FGFR1: variants seen among roughly 807,000 people sequenced by gnomAD.
FGFR1 encodes the protein fibroblast growth factor receptor 1, also known as FGFR1/PLAG1 fusion.
In FGFR1, 18 loss-of-function variants were observed where a neutral mutation model predicts 93.7. The ratio of observed to expected loss-of-function variants is 0.19; its 90% CI spans 0.13 to 0.28. The LOEUF is 0.28. FGFR1 is among the 10% of genes least tolerant of loss of function. FGFR1 has a pLI of 1.00. For synonymous variants in FGFR1, 448 were observed against 429.3 expected, an observed-to-expected ratio of 1.04 and a Z score of -0.54; for missense variants, 731 against 1,080.4, an observed-to-expected ratio of 0.68 and a Z score of 4.53.
At chr8:38,461,138 A>G (rs932537335) in intron 1 of FGFR1, 2 of 1,536,062 alleles carry the variant, frequency 1.3e-6, no homozygotes. Flanking sequence ...AATGGGCTGC[A>G]TGGGTGAAAG....
chr8:38,416,571 A>C (rs1586150203), intron 12 of FGFR1, among the ~76,000 whole-genome samples: 1 of 141,154 alleles, frequency 7.1e-6, no homozygotes, highest in Admixed American at 7.8e-5. Flanking sequence ...TTCTCCTGCC[A>C]CAGCCTCCCG....
intron 3 of FGFR1, 62 bp from the exon 4 acceptor site, chr8:38,428,497 A>T: frequency 7.3e-7 from 1 of 1,369,082 alleles, no homozygotes; most frequent in Non-Finnish European, 1.0e-6. Context: ...CACCAAGGCT[A>T]GTGCAGTTCC....
At position 38,413,528 on chromosome 8, in the gene FGFR1, C is replaced by T; in HGVS notation, c.*100G>A. The stretch of plus-strand genomic sequence containing the variant: ...CTGGTAGGCAGCCGGCTCCTGCCAG[C>T]AGGAAAGGGGACAGGGACGGACAGG... On this transcript the variant is annotated 3_prime_UTR_variant, in exon 18 of 18. Transcript: ENST00000447712. This position sits in a 1 kb window ranked among gnomAD's most constrained non-coding sequence, Gnocchi z 4.2. The T allele has an allele frequency of 2.2e-6, 3 of 1,371,480 alleles. No individual in the cohort carries two copies. The highest frequency in any genetic ancestry group is 2.0e-6 in the Non-Finnish European group (2 of 1,012,928). 85.0% of individuals were successfully genotyped at this position (1,371,480 alleles called of 1,614,324 possible).
chr8:38,420,636 G>A (rs1200398584), intron 8 of FGFR1, among the ~76,000 whole-genome samples: 1 of 152,006 alleles, frequency 6.6e-6, no homozygotes, highest in Non-Finnish European at 1.5e-5. Context: ...ATCCCAGCAC[G>A]CACAGCACTG....
rs188237766 is a variant in FGFR1 at position 38,416,536 on chromosome 8, A to G, written c.1664-476T>C. On this transcript the variant is annotated intron_variant, in intron 12 of 17. Transcript: ENST00000447712. ...AATGGCGCGATCTCGGCTAACCGCA[A>G]CCTCCGCCTCCCGTGTTCAAACGAT... Among the ~76,000 whole-genome samples, 188 of 145,084 alleles carry G rather than the reference A, an allele frequency of 1.3e-3. 1 individual carries two copies. The highest frequency in any genetic ancestry group is 4.5e-3 in the African/African-American group (173 of 38,808).
chr8:38,414,887 G>A lies in FGFR1; in HGVS notation c.1869C>T (p.Asp623=), dbSNP rs780009859. The change falls in exon 14 of 18, where the codon GAC becomes GAT. Residue 623 remains aspartate, a synonymous_variant. Coordinates refer to ENST00000447712, the MANE Select transcript of FGFR1 (RefSeq NM_023110.3). ...YLASKKCIHR[D]LAARNVLVTE... is the part of the protein sequence containing the mutation. ...TCACCAGGACATTCCTGGCTGCCAG[G>A]TCTCGGTGTATGCACTGAGGAAGGA... The A allele has an allele frequency of 2.9e-5, 47 of 1,613,494 alleles. No individual in the cohort carries two copies. The highest frequency in any genetic ancestry group is 3.8e-5 in the Non-Finnish European group (45 of 1,180,032).
At chr8:38,432,244 C>T (rs1202657122) in intron 2 of FGFR1, among the ~76,000 whole-genome samples, 1 of 152,084 alleles carries the variant, frequency 6.6e-6, no homozygotes, top group African/African-American at 2.4e-5. Context: ...TAACTTCCTG[C>T]CCGTCCCAAC....
In FGFR1 at chr8:38,457,351, C is replaced by G; in HGVS notation, c.91+5G>C. On this transcript the variant is annotated splice_donor_5th_base_variant and intron_variant, in intron 2 of 17. Transcript: ENST00000447712. ...AGTCCAGGCTGCCCCCAGCCAGCAC[C>G]TTACCTTGTTCAGGCAAGGTCGGGG... The G allele has an allele frequency of 6.2e-7, 1 of 1,612,328 alleles. No individual in the cohort carries two copies. Among genetic ancestry groups the G allele is most frequent in the Non-Finnish European group, 8.5e-7 (1 of 1,179,992 alleles).
chr8:38,462,902 CTTTTTT>C (rs11364295), intron 1 of FGFR1, among the ~76,000 whole-genome samples: 2 of 114,830 alleles, frequency 1.7e-5, no homozygotes, highest in Non-Finnish European at 3.5e-5. Context: ...CTGTGCCTGG[CTTTTTT>C]TTTTTTTTTT....
chr8:38,451,061 G>GCAC (rs935328092), intron 2 of FGFR1, among the ~76,000 whole-genome samples: 9 of 152,272 alleles, frequency 5.9e-5, no homozygotes, highest in African/African-American at 2.2e-4. Context: ...TATGAGCTTA[G>GCAC]CACCTTGCAG....
At chr8:38,436,382 A>C (rs1825426218) in intron 2 of FGFR1, among the ~76,000 whole-genome samples, 2 of 151,976 alleles carry the variant, frequency 1.3e-5, no homozygotes, top group African/African-American at 4.8e-5. Context: ...ACAACAACAA[A>C]AAAAGTGCAT....
At chr8:38,430,339 CA>C (rs1428164296) in intron 2 of FGFR1, 2 of 216,500 alleles carry the variant, frequency 9.2e-6, no homozygotes, top group African/African-American at 4.6e-5. Flanking sequence ...CCAAGATTGC[CA>C]CTTGCCAGAG....
chr8:38,445,102 G>A (rs143457211), intron 2 of FGFR1, among the ~76,000 whole-genome samples: 1 of 152,270 alleles, frequency 6.6e-6, no homozygotes, highest in Non-Finnish European at 1.5e-5. Context: ...TGTTTCACCT[G>A]GGTCTTGTGA....
intron 2 of FGFR1, among the ~76,000 whole-genome samples, chr8:38,439,214 C>G (rs958675065): frequency 5.3e-5 from 8 of 152,186 alleles, no homozygotes; most frequent in African/African-American, 1.9e-4. Context: ...GTCCTGGCCC[C>G]TCCACTGTGT....
At chr8:38,437,886 C>T (rs1424349992) in intron 2 of FGFR1, among the ~76,000 whole-genome samples, 14 of 152,228 alleles carry the variant, frequency 9.2e-5, no homozygotes, top group Non-Finnish European at 5.9e-5. Flanking sequence ...ACAGCAGCCA[C>T]TCTGGTCTGG....
In FGFR1 at chr8:38,415,468, AT is replaced by A. The variant is rs11451619; in HGVS notation, c.1854+401del. Among the ~76,000 whole-genome samples, 462 of 141,496 alleles carry A rather than the reference AT, an allele frequency of 3.3e-3. 1 individual carries two copies. Among genetic ancestry groups the A allele is most frequent in the Middle Eastern group, 7.4e-3 (2 of 272 alleles). The allele number at this position is 141,496 out of a possible 152,430, so 92.8% of individuals were successfully genotyped here. A position where few individuals can be genotyped will look rare whatever the true frequency, so the allele number is the denominator to read the frequency against. ...ACTACCACACCCAGCTAATTTTTTAATTTTTTTTTTTTTTTTAAAGACGGGG... is the reference window on the plus strand; with the variant it reads ...ACTACCACACCCAGCTAATTTTTTAATTTTTTTTTTTTTTTAAAGACGGGG... On this transcript the variant is annotated intron_variant, in intron 13 of 17. Transcript: ENST00000447712.
Position 38,428,707 on chromosome 8 carries a change from G to A in FGFR1, c.359-272C>T, listed in dbSNP as rs2288696. 0.2 allele frequency: 97,216 copies of A among 489,844 alleles called. 11,143 individuals carry two copies. Among genetic ancestry groups the A allele is most frequent in the Admixed American group, 0.3 (9,075 of 29,924 alleles). 30.3% of individuals were successfully genotyped at this position (489,844 alleles called of 1,614,324 possible). On this transcript the variant is annotated intron_variant, in intron 3 of 17. Coordinates refer to ENST00000447712, the MANE Select transcript of FGFR1 (RefSeq NM_023110.3). ...AGCTGTTCCTATTTAACTTAATTCCGTCCTACATTCAAAGGCGCTTTCTCA... is the reference window on the plus strand; with the variant it reads ...AGCTGTTCCTATTTAACTTAATTCCATCCTACATTCAAAGGCGCTTTCTCA...
At chr8:38,462,299 G>A (rs1239246709) in intron 1 of FGFR1, among the ~76,000 whole-genome samples, 1 of 151,932 alleles carries the variant, frequency 6.6e-6, no homozygotes, top group Non-Finnish European at 1.5e-5. Context: ...AGGTCAAGAG[G>A]TCGACACCAT....
chr8:38,443,205 C>G (rs554757451), intron 2 of FGFR1, among the ~76,000 whole-genome samples: 1 of 152,064 alleles, frequency 6.6e-6, no homozygotes, highest in Non-Finnish European at 1.5e-5. Flanking sequence ...AAACTGTGCA[C>G]TTAAAATTGG....
Sources: allele counts gnomAD v4.1 joint callset (sites outside exome capture counted in the v4.1 genomes callset), GRCh38; gene constraint gnomAD v4.1.1; non-coding constraint Gnocchi (gnomAD v3.1); transcripts MANE v1.5; gene names NCBI Gene and HGNC (gene_info 2026-07-23, HGNC 2026-07-21).